SLC6A13: variants seen among roughly 807,000 people sequenced by gnomAD.
The protein encoded by SLC6A13 is solute carrier family 6 member 13, also known as sodium- and chloride-dependent GABA transporter 2.
Under a neutral mutation model 72.9 loss-of-function variants are expected in SLC6A13, and 69 were observed. The ratio of observed to expected loss-of-function variants is 0.95; its 90% confidence interval spans 0.78 to 1.16. SLC6A13 has a LOEUF of 1.16. Ranked by LOEUF, SLC6A13 falls within the 50% of genes most tolerant of loss-of-function variation. The pLI, the probability that SLC6A13 is intolerant of heterozygous loss-of-function variation, is 0.00. For synonymous variants in SLC6A13, 303 were observed against 303.0 expected (o/e 1.00, Z 0.00); for missense variants, 735 against 760.5 (o/e 0.97, Z 0.39).
chr12:245,741 C>G (rs1942324944), intron 2 of SLC6A13, among the ~76,000 whole-genome samples: 1 of 151,828 alleles, frequency 6.6e-6, no homozygotes, highest in African/African-American at 2.4e-5. Context: ...TCCCAGCACT[C>G]TGGGAGGCCA....
At position 238,344 on chromosome 12, in the gene SLC6A13, C is replaced by T. The variant is rs1248564787; in HGVS notation, c.479-334G>A. Reference sequence around the variant, plus strand: ...TAAGCGTCCTGTGCAAAGTCACCACCTTCGAGGAATAATAAGAGGGAAGTG... The same window carrying T: ...TAAGCGTCCTGTGCAAAGTCACCACTTTCGAGGAATAATAAGAGGGAAGTG... On this transcript the variant is annotated intron_variant, in intron 4 of 14. Coordinates refer to ENST00000343164, the MANE Select transcript of SLC6A13 (RefSeq NM_016615.5). The T allele has an allele frequency of 4.5e-6, 6 of 1,328,106 alleles. No individual in the cohort carries two copies. The Admixed American group carries it at 1.3e-4, about 30-fold the overall frequency. 82.3% of individuals were successfully genotyped at this position (1,328,106 alleles called of 1,614,324 possible). A position where few individuals can be genotyped will look rare whatever the true frequency, so the allele number is the denominator to read the frequency against.
intron 2 of SLC6A13, among the ~76,000 whole-genome samples, chr12:253,173 G>A (rs955887785): frequency 7.2e-5 from 11 of 152,180 alleles, no homozygotes; most frequent in African/African-American, 2.4e-4. Flanking sequence ...CCATATCCCC[G>A]TCCCAGAAAG....
At chr12:241,078 G>A (rs942862130) in intron 4 of SLC6A13, among the ~76,000 whole-genome samples, 5 of 152,212 alleles carry the variant, frequency 3.3e-5, no homozygotes, top group African/African-American at 1.2e-4. Context: ...GGCCGAGGCA[G>A]GTGGATCACA....
chr12:238,050 A>G, intron 4 of SLC6A13, 40 bp from the exon 5 acceptor site: 1 of 1,599,862 alleles, frequency 6.3e-7, no homozygotes, highest in East Asian at 2.2e-5. Flanking sequence ...GAGAAAAATC[A>G]TCAGCCAGCC....
chr12:236,060 G>A (rs144755657), intron 6 of SLC6A13, among the ~76,000 whole-genome samples: 3,452 of 152,226 alleles, frequency 0.023, 124 homozygotes, highest in African/African-American at 0.079. Flanking sequence ...TACGTGCACC[G>A]CTGAACATAG....
In SLC6A13 at chr12:235,175, A is replaced by G. The variant is rs756606932; in HGVS notation, c.746T>C (p.Leu249Ser). The change falls in exon 7 of 15, where the codon TTA becomes TCA. Residue 249 changes from leucine to serine, a missense_variant. By Grantham distance (145) the Leu-to-Ser change is moderately radical (BLOSUM62 -2). Coordinates refer to ENST00000343164, the MANE Select transcript of SLC6A13 (RefSeq NM_016615.5). The part of the protein sequence containing the change: ...TFPYLMLVVL[L>S]IRGVTLPGAA... ...CCCAGGCAACGTCACCCCTCGAATT[A>G]ACAGGACCACCAGCATGAGGTAAGG... 1.3e-5 allele frequency: 21 copies of G among 1,614,090 alleles called. No homozygotes were observed. The highest frequency in any genetic ancestry group is 1.7e-5 in the Non-Finnish European group (20 of 1,180,024).
In SLC6A13 at chr12:260,191, C is replaced by T. The variant is rs1942882771; in HGVS notation, c.-5-134G>A. The T allele has an allele frequency of 3.3e-6, 3 of 902,468 alleles. No homozygotes were observed. The South Asian group carries it at 5.0e-5, about 15-fold the overall frequency. 55.9% of individuals were successfully genotyped at this position (902,468 alleles called of 1,614,324 possible). On this transcript the variant is annotated intron_variant, in intron 1 of 14. Coordinates refer to ENST00000343164, the MANE Select transcript of SLC6A13 (RefSeq NM_016615.5). The stretch of plus-strand genomic sequence containing the variant: ...AATTTCTATTCCCTTCCCTGTAGAC[C>T]ATGTCCTCCTTAGCAGTTCTCATTG...
chr12:260,871 T>C (rs1404711868), intron 1 of SLC6A13, among the ~76,000 whole-genome samples: 1 of 152,178 alleles, frequency 6.6e-6, no homozygotes, highest in African/African-American at 2.4e-5. Context: ...TTTTCTACAA[T>C]TACATCAAAA....
At chr12:235,687 AG>A (rs1234161358) in intron 6 of SLC6A13, among the ~76,000 whole-genome samples, 1 of 152,188 alleles carries the variant, frequency 6.6e-6, no homozygotes, top group Admixed American at 6.5e-5. Context: ...GAACAAGGGA[AG>A]ACAACCATAA....
At chr12:236,832 T>C (rs530682485) in intron 6 of SLC6A13, 1 of 195,850 alleles carries the variant, frequency 5.1e-6, no homozygotes, top group Admixed American at 5.7e-5. Context: ...AGAGTCTTCA[T>C]GGAATTCTTT....
At chr12:237,550 G>C (rs574904886) in intron 5 of SLC6A13, among the ~76,000 whole-genome samples, 2 of 152,176 alleles carry the variant, frequency 1.3e-5, no homozygotes, top group East Asian at 3.9e-4. Context: ...TTCCAACCAG[G>C]GTTTCAGGAC....
In SLC6A13 at chr12:221,009, G is replaced by A. The variant is rs138219672; in HGVS notation, c.1748C>T (p.Ser583Leu). The change falls in exon 15 of 15, where the codon TCG (serine) becomes TTG (leucine). Residue 583 changes from serine to leucine, a missense_variant. Coordinates refer to ENST00000343164, the MANE Select transcript of SLC6A13 (RefSeq NM_016615.5). ...TGAGGTCCTGGGGGTGGCGGGAGCCGAGGGTCCTGCTGGGTTCCGCTGGGG... is the reference window on the plus strand; with the variant it reads ...TGAGGTCCTGGGGGTGGCGGGAGCCAAGGGTCCTGCTGGGTTCCGCTGGGG... ...DLPQRNPAGPSAPATPRTSLL... is the reference protein window; with the variant it reads ...DLPQRNPAGPLAPATPRTSLL... 28 of 1,612,424 alleles carry A rather than the reference G, an allele frequency of 1.7e-5. No individual in the cohort carries two copies. Among genetic ancestry groups the A allele is most frequent in the Middle Eastern group, 3.3e-4 (2 of 6,076 alleles).
At chr12:225,417 G>A (rs1469679779) in intron 9 of SLC6A13, among the ~76,000 whole-genome samples, 3 of 152,206 alleles carry the variant, frequency 2.0e-5, no homozygotes, top group African/African-American at 7.2e-5. Context: ...TGGGAGGCTG[G>A]GGTGGGTGGA....
intron 2 of SLC6A13, among the ~76,000 whole-genome samples, chr12:253,021 C>T (rs1034378963): frequency 6.6e-6 from 1 of 152,202 alleles, no homozygotes; most frequent in Non-Finnish European, 1.5e-5. Flanking sequence ...TCTTCCCCTC[C>T]GCAGGTACCA....
chr12:256,189 A>T (rs1942738492), intron 2 of SLC6A13, among the ~76,000 whole-genome samples: 1 of 152,118 alleles, frequency 6.6e-6, no homozygotes, highest in South Asian at 2.1e-4. Context: ...CTCCTCTAGA[A>T]TGTATGCCCT....
In SLC6A13 at chr12:221,411, A is replaced by G; in HGVS notation, c.1651T>C (p.Tyr551His). ...SMVCIPAWSL[Y>H]RLGTLKGPFR... Reference sequence around the variant, plus strand: ...GGGCCCTTGAGGGTTCCGAGTCTGTAGAGGCTCCAGGCAGGAATGCAGACC... The same window carrying G: ...GGGCCCTTGAGGGTTCCGAGTCTGTGGAGGCTCCAGGCAGGAATGCAGACC... Residue 551 changes from tyrosine (Y) to histidine (H), a missense_variant, in exon 14 of 15, where the codon TAC (tyrosine) becomes CAC (histidine). Transcript: ENST00000343164. 1 of 1,611,880 alleles carries G rather than the reference A, an allele frequency of 6.2e-7. No individual in the cohort carries two copies. Among genetic ancestry groups the G allele is most frequent in the Non-Finnish European group, 8.5e-7 (1 of 1,178,964 alleles).
chr12:229,677 C>A (rs534046903), intron 7 of SLC6A13, among the ~76,000 whole-genome samples: 3 of 152,214 alleles, frequency 2.0e-5, no homozygotes, highest in African/African-American at 7.2e-5. Context: ...GGGTGTGTCC[C>A]GGGAGCCCGG....
chr12:249,498 T>C (rs1942466017), intron 2 of SLC6A13, among the ~76,000 whole-genome samples: 1 of 152,080 alleles, frequency 6.6e-6, no homozygotes, highest in Non-Finnish European at 1.5e-5. Context: ...TATGAAGAAC[T>C]TTATGCCAGT....
chr12:254,473 ACAAT>A lies in SLC6A13; in HGVS notation c.202+5374_202+5377del, dbSNP rs1239051401. On this transcript the variant is annotated intron_variant, in intron 2 of 14. Coordinates refer to ENST00000343164, the MANE Select transcript of SLC6A13 (RefSeq NM_016615.5). The surrounding 1 kb of genome is among the most constrained non-coding windows in gnomAD (Gnocchi z 4.4). ...AATGACTTCCCAGCTGCTAAAACCAACAATCAATTTCCTTTCCTCATCTTCTTAA... is the reference window on the plus strand; with the variant it reads ...AATGACTTCCCAGCTGCTAAAACCAACAATTTCCTTTCCTCATCTTCTTAA... 1.3e-5 allele frequency among the ~76,000 whole-genome samples: 2 copies of A among 152,258 alleles called. No homozygotes were observed. The highest frequency in any genetic ancestry group is 1.9e-4 in the East Asian group (1 of 5,188).
Sources: gnomAD v4.1 joint callset for allele counts (sites outside exome capture counted in the v4.1 genomes callset) on GRCh38, gnomAD v4.1.1 for gene constraint, Gnocchi (gnomAD v3.1) non-coding constraint, MANE v1.5 for transcripts, NCBI Gene and HGNC (gene_info 2026-07-23, HGNC 2026-07-21) for gene names.